The following MEGF10 variants were observed in gnomAD, a reference collection of about 807,000 sequenced individuals.
The protein encoded by MEGF10 is multiple epidermal growth factor-like domains protein 10.
MEGF10 carries 86 observed loss-of-function variants against 147.5 expected under a neutral mutation model. The ratio of observed to expected loss-of-function variants is 0.58; its 90% confidence interval spans 0.49 to 0.70. The LOEUF (loss-of-function observed/expected upper bound fraction) is 0.70. Among genes scored for constraint, MEGF10 ranks in the 30% least tolerant of loss-of-function variants. The probability of loss-of-function intolerance (pLI) is 0.00; values close to 1 mark genes in which losing one functional copy is unlikely to be tolerated. For synonymous variants in MEGF10, 478 were observed against 525.5 expected (o/e 0.91, Z 1.24); for missense variants, 1,329 against 1,487.3 (o/e 0.89, Z 1.75).
intron 4 of MEGF10, among the ~76,000 whole-genome samples, chr5:127,364,324 T>A (rs1029325916): frequency 6.6e-6 from 1 of 152,216 alleles, no homozygotes; most frequent in Non-Finnish European, 1.5e-5. Flanking sequence ...TCTATCCATA[T>A]GGAATTGTCC....
chr5:127,268,729 T>C, the MEGF10 span, among the ~76,000 whole-genome samples: 1 of 152,300 alleles, frequency 6.6e-6, no homozygotes, highest in African/African-American at 2.4e-5. Context: ...CTGACAGCTT[T>C]GAAGAGAGTA....
chr5:127,297,420 T>A (rs974813862), intron 1 of MEGF10, among the ~76,000 whole-genome samples: 1 of 152,084 alleles, frequency 6.6e-6, no homozygotes, highest in Admixed American at 6.5e-5. Flanking sequence ...TATATACATC[T>A]ACTATGTACC....
chr5:127,257,830 A>T, the MEGF10 span, among the ~76,000 whole-genome samples: 2 of 152,258 alleles, frequency 1.3e-5, no homozygotes, highest in Non-Finnish European at 2.9e-5. Context: ...TAGATTTCTT[A>T]GAAATAGGTA....
chr5:127,375,881 T>C (rs1343877330), intron 5 of MEGF10, among the ~76,000 whole-genome samples: 2 of 152,250 alleles, frequency 1.3e-5, no homozygotes, highest in Non-Finnish European at 2.9e-5. Flanking sequence ...TGTGTTCATT[T>C]TGTGAACTTT....
At chr5:127,250,441 A>G in the MEGF10 span, among the ~76,000 whole-genome samples, 1 of 152,066 alleles carries the variant, frequency 6.6e-6, no homozygotes, top group Non-Finnish European at 1.5e-5. Context: ...ATTTGCTAAA[A>G]TTCAATAATC....
At chr5:127,244,076 AT>A in the MEGF10 span, among the ~76,000 whole-genome samples, 1 of 151,250 alleles carries the variant, frequency 6.6e-6, no homozygotes, top group African/African-American at 2.4e-5. Flanking sequence ...CATGCCTGTA[AT>A]CCCAACTACC....
rs36030791 is a variant in MEGF10, at chr5:127,379,594, C to CTTTT, written c.412+9612_412+9615dup. 3.5e-3 allele frequency among the ~76,000 whole-genome samples: 319 copies of CTTTT among 90,354 alleles called. 1 individual carries two copies. Among genetic ancestry groups the CTTTT allele is most frequent in the African/African-American group, 7.3e-3 (176 of 24,034 alleles). 59.3% of individuals were successfully genotyped at this position (90,354 alleles called of 152,430 possible). A position where few individuals can be genotyped will look rare whatever the true frequency, so the allele number is the denominator to read the frequency against. On this transcript the variant is annotated intron_variant, in intron 5 of 24. Transcript: ENST00000503335. ...CCCTGGTTCTTTATATGGCCAGCTT[C>CTTTT]TTTTTTTTTTTTTTTTTTTTTTTGA...
chr5:127,237,867 G>A, the MEGF10 span, among the ~76,000 whole-genome samples: 31 of 151,762 alleles, frequency 2.0e-4, no homozygotes, highest in Admixed American at 7.2e-4. Context: ...CTACCCTATG[G>A]TGTCTTCTAC....
In MEGF10 at chr5:127,449,256, C is replaced by T. The variant is rs2127032953; in HGVS notation, c.2980+34C>T. On this transcript the variant is annotated intron_variant, in intron 22 of 24. Coordinates refer to ENST00000503335, the MANE Select transcript of MEGF10 (RefSeq NM_001256545.2). Reference sequence around the variant, plus strand: ...TCCCAACGCACGTCCCCAGAAGCACCTTGACCTGTCAGTCCCTGAAACAGT... The same window carrying T: ...TCCCAACGCACGTCCCCAGAAGCACTTTGACCTGTCAGTCCCTGAAACAGT... 4 of 1,609,582 alleles carry T rather than the reference C, an allele frequency of 2.5e-6. No individual in the cohort carries two copies. The South Asian group carries it at 4.4e-5, about 18-fold the overall frequency.
chr5:127,241,409 AAC>A, the MEGF10 span, among the ~76,000 whole-genome samples: 1 of 152,196 alleles, frequency 6.6e-6, no homozygotes, highest in Admixed American at 6.5e-5. Flanking sequence ...TTCATGAAGC[AAC>A]ACAGTAAGTT....
At chr5:127,410,990 T>G (rs1328478933) in intron 9 of MEGF10, among the ~76,000 whole-genome samples, 2 of 152,138 alleles carry the variant, frequency 1.3e-5, no homozygotes, top group Non-Finnish European at 2.9e-5. Flanking sequence ...AAAAAGTGAT[T>G]CTTACTGCAG....
At chr5:127,400,472 C>T (rs746023618) in intron 7 of MEGF10, among the ~76,000 whole-genome samples, 3 of 152,178 alleles carry the variant, frequency 2.0e-5, no homozygotes, top group Non-Finnish European at 2.9e-5. Context: ...TCTTAGTTGT[C>T]TGAGGTAAAG....
chr5:127,356,050 G>T (rs924906032), intron 4 of MEGF10, among the ~76,000 whole-genome samples: 10 of 152,188 alleles, frequency 6.6e-5, no homozygotes, highest in African/African-American at 2.4e-4. Flanking sequence ...TAAAAGCCAA[G>T]AACTGAGAAG....
chr5:127,286,632 A>C (rs1759038422), upstream of MEGF10, among the ~76,000 whole-genome samples: 1 of 151,916 alleles, frequency 6.6e-6, no homozygotes, highest in African/African-American at 2.4e-5. Context: ...AAAAAATCTA[A>C]AAATCAATAA....
chr5:127,410,840 A>G (rs1764531035), intron 9 of MEGF10, among the ~76,000 whole-genome samples: 1 of 152,244 alleles, frequency 6.6e-6, no homozygotes, highest in Non-Finnish European at 1.5e-5. Flanking sequence ...TCTATTCTCT[A>G]TTAATGACCA....
In MEGF10 at chr5:127,447,610, C is replaced by G; in HGVS notation, c.2782C>G (p.Pro928Ala). ...GNANSHYFTN[P>A]SYHTLTQCAT... is the part of the protein sequence containing the mutation. ...CGCTAATAGCCACTACTTCACCAAT[C>G]CCAGTTACCACACGCTCACCCAGTG... Residue 928 changes from proline to alanine, a missense_variant, in exon 21 of 25, where the codon CCC (proline) becomes GCC (alanine). This residue lies in a region of MEGF10 where 343 missense variants were observed against 377.9 expected (regional missense o/e 0.91). Coordinates refer to ENST00000503335, the MANE Select transcript of MEGF10 (RefSeq NM_001256545.2). 6.2e-7 allele frequency: 1 copy of G among 1,614,164 alleles called. No individual in the cohort carries two copies. Among genetic ancestry groups the G allele is most frequent in the Non-Finnish European group, 8.5e-7 (1 of 1,180,000 alleles).
chr5:127,249,209 G>A, the MEGF10 span, among the ~76,000 whole-genome samples: 2 of 151,938 alleles, frequency 1.3e-5, no homozygotes, highest in Non-Finnish European at 2.9e-5. Context: ...CAAATTGGGT[G>A]GGGTAAATGG....
chr5:127,435,423 A>G lies in MEGF10; in HGVS notation c.2038A>G (p.Thr680Ala). The G allele has an allele frequency of 6.2e-7, 1 of 1,614,076 alleles. No individual in the cohort carries two copies. Among genetic ancestry groups the G allele is most frequent in the African/African-American group, 1.3e-5 (1 of 75,020 alleles). Reference sequence around the variant, plus strand: ...AATTTGTACCTGCACCAACAACGGAACCTGTAACCCCATTGACAGATCTTG... The same window carrying G: ...AATTTGTACCTGCACCAACAACGGAGCCTGTAACCCCATTGACAGATCTTG... ...AGICTCTNNGTCNPIDRSCQC... is the reference protein window; with the variant it reads ...AGICTCTNNGACNPIDRSCQC... The change falls in exon 16 of 25, where the codon ACC becomes GCC. Residue 680 changes from threonine (T) to alanine (A), a missense_variant. Thr to Ala is a moderately conservative substitution (Grantham distance 58). Coordinates refer to ENST00000503335, the MANE Select transcript of MEGF10 (RefSeq NM_001256545.2).
intron 9 of MEGF10, among the ~76,000 whole-genome samples, chr5:127,411,336 A>C (rs1285708555): frequency 6.6e-6 from 1 of 152,198 alleles, no homozygotes; most frequent in East Asian, 1.9e-4. Flanking sequence ...GGAAAAGCTG[A>C]GTTTGACAAA....
Sources: allele counts gnomAD v4.1 joint callset (sites outside exome capture counted in the v4.1 genomes callset), GRCh38; gene constraint gnomAD v4.1.1; regional missense constraint gnomAD v4.1.1; transcripts MANE v1.5; gene names NCBI Gene and HGNC (gene_info 2026-07-23, HGNC 2026-07-21).